SAMM50: variants seen among roughly 807,000 people sequenced by gnomAD.
SAMM50 encodes sorting and assembly machinery component 50 homolog.
A neutral mutation model predicts 66.9 loss-of-function variants in SAMM50; 47 were observed. The observed-to-expected ratio is 0.70, with a 90% CI of 0.56 to 0.90. SAMM50 has a LOEUF of 0.90. Ranked by LOEUF, SAMM50 falls within the 40% of genes least tolerant of loss-of-function variation. The pLI, the probability that SAMM50 is intolerant of heterozygous loss-of-function variation, is 0.00. For synonymous variants in SAMM50, 191 were observed against 214.1 expected (o/e 0.89, Z 0.94); for missense variants, 535 against 595.3 (o/e 0.90, Z 1.05).
intron 1 of SAMM50, among the ~76,000 whole-genome samples, chr22:43,956,296 C>G (rs977510726): frequency 6.6e-6 from 1 of 152,158 alleles, no homozygotes; most frequent in African/African-American, 2.4e-5. Flanking sequence ...GGCCTAAAAC[C>G]TCAGATTTCC....
chr22:43,989,366 C>G, intron 13 of SAMM50, 109 bp downstream of exon 13: 1 of 1,111,418 alleles, frequency 9.0e-7, no homozygotes, highest in South Asian at 1.6e-5. Context: ...GAGATGGAGT[C>G]TCGCTCTATT....
chr22:43,985,421 C>T (rs975474268), intron 12 of SAMM50, among the ~76,000 whole-genome samples: 22 of 151,972 alleles, frequency 1.4e-4, no homozygotes, highest in African/African-American at 4.8e-4. Context: ...TTGCCTTTTC[C>T]AGACAGTTTG....
intron 3 of SAMM50, among the ~76,000 whole-genome samples, chr22:43,967,378 T>C (rs1186269943): frequency 6.6e-6 from 1 of 152,238 alleles, no homozygotes. Context: ...CCATCTCTAT[T>C]CCTGACTTCT....
intron 1 of SAMM50, among the ~76,000 whole-genome samples, chr22:43,960,793 C>G (rs555098456): frequency 6.6e-6 from 1 of 152,208 alleles, no homozygotes; most frequent in South Asian, 2.1e-4. Flanking sequence ...CAAGAGGTGT[C>G]CCTGTGAGAG....
chr22:43,995,911 A>C (rs2050350932), intron 14 of SAMM50, among the ~76,000 whole-genome samples: 2 of 152,186 alleles, frequency 1.3e-5, no homozygotes, highest in South Asian at 2.1e-4. Context: ...TGGTTTCCTA[A>C]GCCCCGGGAC....
At chr22:43,993,881 A>G (rs2050338695) in intron 14 of SAMM50, among the ~76,000 whole-genome samples, 1 of 152,194 alleles carries the variant, frequency 6.6e-6, no homozygotes, top group African/African-American at 2.4e-5. Context: ...CAAAGAAGGA[A>G]ACAGTTTTGA....
intron 4 of SAMM50, 115 bp downstream of exon 4, chr22:43,968,933 C>A: frequency 1.5e-6 from 1 of 681,752 alleles, no homozygotes; most frequent in Non-Finnish European, 2.6e-6. Flanking sequence ...CTGTGTAGAA[C>A]CTGAAAGTTG....
chr22:43,955,623 C>T, intron 1 of SAMM50, 25 bp downstream of exon 1: 1 of 1,577,858 alleles, frequency 6.3e-7, no homozygotes, highest in South Asian at 1.2e-5. Flanking sequence ...GACCCGCGGG[C>T]TGCGAGGCCT....
intron 14 of SAMM50, among the ~76,000 whole-genome samples, chr22:43,993,583 C>A (rs1429392173): frequency 1.3e-5 from 2 of 152,244 alleles, no homozygotes; most frequent in African/African-American, 2.4e-5. Flanking sequence ...AGTGCCTCTG[C>A]CCCCAGGCCA....
At chr22:43,957,374 G>C (rs572840409) in intron 1 of SAMM50, 191 of 473,758 alleles carry the variant, frequency 4.0e-4, no homozygotes, top group African/African-American at 3.5e-3. Context: ...ATAAATCAAT[G>C]TGGATTTGTG....
intron 14 of SAMM50, among the ~76,000 whole-genome samples, chr22:43,991,512 C>T (rs539676192): frequency 6.6e-6 from 1 of 152,284 alleles, no homozygotes; most frequent in Admixed American, 6.5e-5. Flanking sequence ...AAGCCATCTG[C>T]CCGCATTGGC....
At chr22:43,977,716 G>C (rs181035238) in intron 9 of SAMM50, among the ~76,000 whole-genome samples, 156 bp from the exon 10 acceptor site, 2 of 152,158 alleles carry the variant, frequency 1.3e-5, no homozygotes, top group Admixed American at 6.5e-5. Context: ...GTTGCTGTCC[G>C]CAACAATTAG....
intron 10 of SAMM50, among the ~76,000 whole-genome samples, chr22:43,978,277 TA>T (rs917967309): frequency 7.3e-5 from 11 of 151,090 alleles, no homozygotes; most frequent in Middle Eastern, 3.4e-3. Flanking sequence ...CCCTGTCTAC[TA>T]AAAAAAATTA....
intron 14 of SAMM50, among the ~76,000 whole-genome samples, chr22:43,991,837 CTCT>C (rs34545503): frequency 0.011 from 1,708 of 152,306 alleles, 32 homozygotes; most frequent in African/African-American, 0.038. Context: ...GCCCCGATGC[CTCT>C]TCTTATGCGG....
chr22:43,963,277 C>T lies in SAMM50; in HGVS notation c.22-9C>T. On this transcript the variant is annotated splice_polypyrimidine_tract_variant and intron_variant, in intron 1 of 14. Transcript: ENST00000350028. ...AGTCATTTATCTGTGGTCGCTCCCT[C>T]CCTTTCAGAGTTTGGAGCCTCTTCC... 2 of 1,566,234 alleles carry T rather than the reference C, an allele frequency of 1.3e-6. No individual in the cohort carries two copies. The highest frequency in any genetic ancestry group is 2.3e-5 in the South Asian group (2 of 88,356).
chr22:43,955,622 G>A, intron 1 of SAMM50, 24 bp downstream of exon 1: 1 of 1,579,626 alleles, frequency 6.3e-7, no homozygotes, highest in South Asian at 1.2e-5. Context: ...CGACCCGCGG[G>A]CTGCGAGGCC....
At chr22:43,960,722 C>T (rs1569023982) in intron 1 of SAMM50, among the ~76,000 whole-genome samples, 1 of 152,112 alleles carries the variant, frequency 6.6e-6, no homozygotes, top group East Asian at 1.9e-4. Context: ...GAGCAAGACT[C>T]TGTCTCAAAA....
At chr22:43,991,107 G>T (rs2050322447) in intron 14 of SAMM50, among the ~76,000 whole-genome samples, 1 of 151,872 alleles carries the variant, frequency 6.6e-6, no homozygotes. Context: ...CTCCTGAGTA[G>T]TTGGGATTAC....
At position 43,983,883 on chromosome 22, in the gene SAMM50, C is replaced by A. The variant is rs767948860; in HGVS notation, c.1008-50C>A. Reference sequence around the variant, plus strand: ...TTCCTACGCGTTCCGTGTGTCATGTCGTTTCTCACCTCCTGACTTTCCTCT... The same window carrying A: ...TTCCTACGCGTTCCGTGTGTCATGTAGTTTCTCACCTCCTGACTTTCCTCT... On this transcript the variant is annotated intron_variant, in intron 11 of 14. Coordinates refer to ENST00000350028, the MANE Select transcript of SAMM50 (RefSeq NM_015380.5). The surrounding 1 kb of genome is among the most constrained non-coding windows in gnomAD (Gnocchi z 4.2). 7.5e-7 allele frequency: 1 copy of A among 1,332,730 alleles called. No individual in the cohort carries two copies. Among genetic ancestry groups the A allele is most frequent in the African/African-American group, 1.5e-5 (1 of 66,412 alleles). 82.6% of individuals were successfully genotyped at this position (1,332,730 alleles called of 1,614,324 possible).
Sources: gnomAD v4.1 joint callset for allele counts (sites outside exome capture counted in the v4.1 genomes callset) on GRCh38, gnomAD v4.1.1 for gene constraint, Gnocchi (gnomAD v3.1) non-coding constraint, MANE v1.5 for transcripts, NCBI Gene and HGNC (gene_info 2026-07-23, HGNC 2026-07-21) for gene names.